The following GSE1 variants were observed in gnomAD, a reference collection of about 807,000 sequenced individuals.
GSE1 encodes the protein Gse1 coiled-coil protein.
GSE1 carries 32 observed loss-of-function variants against 112.6 expected under a neutral mutation model. The observed-to-expected ratio is 0.28, with a 90% confidence interval of 0.21 to 0.38. GSE1 has a LOEUF of 0.38. Ranked by LOEUF, GSE1 falls within the 10% of genes least tolerant of loss-of-function variation. The probability of loss-of-function intolerance (pLI) is 1.00; values close to 1 mark genes in which losing one functional copy is unlikely to be tolerated. For synonymous variants in GSE1, 1,115 were observed against 735.6 expected (o/e 1.52, Z -8.35); for missense variants, 2,348 against 1,699.2 (o/e 1.38, Z -6.71).
intron 1 of GSE1, among the ~76,000 whole-genome samples, chr16:85,265,453 A>C (rs1908139929): frequency 6.6e-6 from 1 of 152,142 alleles, no homozygotes; most frequent in African/African-American, 2.4e-5. Context: ...TGTGGACCTC[A>C]CTGCTGACAT....
intron 1 of GSE1, among the ~76,000 whole-genome samples, chr16:85,193,160 AG>A (rs1420733628): frequency 6.6e-6 from 1 of 152,208 alleles, no homozygotes; most frequent in Non-Finnish European, 1.5e-5. Context: ...CAAAAGAATA[AG>A]AAAAAAGGTT....
At chr16:85,239,968 T>C (rs1162753668) in intron 1 of GSE1, among the ~76,000 whole-genome samples, 2 of 152,226 alleles carry the variant, frequency 1.3e-5, no homozygotes, top group Non-Finnish European at 2.9e-5. Flanking sequence ...AGGCCTGACA[T>C]TGAACTGTGT....
intron 2 of GSE1, among the ~76,000 whole-genome samples, chr16:85,371,765 C>G (rs1030998989): frequency 1.3e-5 from 2 of 152,200 alleles, no homozygotes; most frequent in African/African-American, 4.8e-5. Context: ...ACTAGGTGGC[C>G]CTCTGAGGTC....
intron 1 of GSE1, among the ~76,000 whole-genome samples, chr16:85,629,234 G>C (rs1175721813): frequency 6.6e-6 from 1 of 152,168 alleles, no homozygotes; most frequent in Admixed American, 6.5e-5. Flanking sequence ...ACACAGCCTC[G>C]GGTATTTCTT....
At chr16:85,195,419 AG>A (rs2074908277) in intron 1 of GSE1, among the ~76,000 whole-genome samples, 1 of 152,134 alleles carries the variant, frequency 6.6e-6, no homozygotes, top group South Asian at 2.1e-4. Flanking sequence ...GTCAAAGGAG[AG>A]TTGGAAGCAG....
intron 1 of GSE1, among the ~76,000 whole-genome samples, chr16:85,578,663 A>C (rs1229158697): frequency 6.6e-6 from 1 of 152,158 alleles, no homozygotes; most frequent in Non-Finnish European, 1.5e-5. Context: ...TGTCCCCCGA[A>C]TCAGGCAGCT....
chr16:85,666,087 CCCAGGAGCTGTCGAGAGT>C lies in GSE1; in HGVS notation c.2880_2897del (p.Ser961_Leu966del). The stretch of plus-strand genomic sequence containing the variant: ...CCTGGGAAGCTGGAACAGGTCCGGC[CCCAGGAGCTGTCGAGAGT>C]CCAGGAGCTAGCTCCTGCCAGCGGG... On this transcript the variant is annotated inframe_deletion, in exon 13 of 16. Coordinates refer to ENST00000253458, the MANE Select transcript of GSE1 (RefSeq NM_014615.5). The C allele has an allele frequency of 6.2e-7, 1 of 1,613,252 alleles. No homozygotes were observed. Among genetic ancestry groups the C allele is most frequent in the South Asian group, 1.1e-5 (1 of 91,078 alleles).
intron 14 of GSE1, among the ~76,000 whole-genome samples, chr16:85,669,170 G>T (rs1044723073): frequency 5.9e-5 from 9 of 152,228 alleles, no homozygotes; most frequent in African/African-American, 2.2e-4. Context: ...GGCCCCTTTG[G>T]GGAACAGCAG....
intron 1 of GSE1, among the ~76,000 whole-genome samples, chr16:85,626,973 G>A (rs2049122513): frequency 6.8e-6 from 1 of 147,824 alleles, no homozygotes; most frequent in South Asian, 2.2e-4. Flanking sequence ...ATGGGTTCCG[G>A]AAAATAGCAG....
intron 14 of GSE1, 88 bp downstream of exon 14, chr16:85,668,512 C>T: frequency 2.3e-6 from 2 of 876,018 alleles, no homozygotes; most frequent in Admixed American, 2.3e-5. Flanking sequence ...CAGACCTCTG[C>T]CAGCCTGGGG....
intron 1 of GSE1, chr16:85,357,406 G>A: frequency 9.4e-7 from 1 of 1,065,680 alleles, no homozygotes; most frequent in Non-Finnish European, 1.2e-6. Context: ...GTCCATTCAT[G>A]CATCATCCCC....
At chr16:85,211,750 G>A (rs1477851117) in intron 1 of GSE1, among the ~76,000 whole-genome samples, 1 of 152,208 alleles carries the variant, frequency 6.6e-6, no homozygotes, top group East Asian at 1.9e-4. Flanking sequence ...ACCCGCGAGA[G>A]AGGTATCAGT....
At chr16:85,263,312 A>T (rs1313955100) in intron 1 of GSE1, among the ~76,000 whole-genome samples, 1 of 151,990 alleles carries the variant, frequency 6.6e-6, no homozygotes, top group East Asian at 1.9e-4. Context: ...TTTTTAGGGC[A>T]GGGATTGTGA....
chr16:85,613,545 A>AG, intron 1 of GSE1, 147 bp downstream of exon 1: 6 of 777,472 alleles, frequency 7.7e-6, no homozygotes, highest in Non-Finnish European at 1.2e-5. Context: ...AAGAGCCGGG[A>AG]GGGCGGGCAG....
chr16:85,666,281 G>A lies in GSE1; in HGVS notation c.3064G>A (p.Glu1022Lys), dbSNP rs201908318. 1 of 1,613,902 alleles carries A rather than the reference G, an allele frequency of 6.2e-7. No individual in the cohort carries two copies. Among genetic ancestry groups the A allele is most frequent in the Non-Finnish European group, 8.5e-7 (1 of 1,180,020 alleles). ...GCCGTGGGAGCCCTTTGTGGCAGAAGAGTTTGCACATCAGTTCCACGAGTC... is the reference window on the plus strand; with the variant it reads ...GCCGTGGGAGCCCTTTGTGGCAGAAAAGTTTGCACATCAGTTCCACGAGTC... The part of the protein sequence containing the change: ...SKPWEPFVAE[E>K]FAHQFHESVL... The change falls in exon 13 of 16, where the codon GAG becomes AAG. Residue 1022 changes from glutamate (E) to lysine (K), a missense_variant. Coordinates refer to ENST00000253458, the MANE Select transcript of GSE1 (RefSeq NM_014615.5).
At chr16:85,465,070 C>T (rs1244861017) in intron 2 of GSE1, among the ~76,000 whole-genome samples, 1 of 152,232 alleles carries the variant, frequency 6.6e-6, no homozygotes, top group Non-Finnish European at 1.5e-5. Context: ...CAGTCCCACT[C>T]AGGGTCACGC....
intron 1 of GSE1, among the ~76,000 whole-genome samples, chr16:85,344,611 A>C (rs2046695392): frequency 6.6e-6 from 1 of 152,198 alleles, no homozygotes; most frequent in South Asian, 2.1e-4. Flanking sequence ...GCTTCACAAC[A>C]CAGACTCATT....
At chr16:85,512,011 C>A (rs4783226) in intron 2 of GSE1, among the ~76,000 whole-genome samples, 2 of 152,102 alleles carry the variant, frequency 1.3e-5, no homozygotes, top group African/African-American at 4.8e-5. Context: ...AGGGTCTCCA[C>A]GCAGGAGTGG....
intron 2 of GSE1, among the ~76,000 whole-genome samples, chr16:85,383,205 C>G (rs976703169): frequency 6.6e-6 from 1 of 152,106 alleles, no homozygotes; most frequent in Non-Finnish European, 1.5e-5. Context: ...CATCCACACA[C>G]AGCCCTCTGT....
Sources: allele counts gnomAD v4.1 joint callset (sites outside exome capture counted in the v4.1 genomes callset), GRCh38; gene constraint gnomAD v4.1.1; transcripts MANE v1.5; gene names NCBI Gene and HGNC (gene_info 2026-07-23, HGNC 2026-07-21).